Variants in GOSR1 observed in about 807,000 individuals in gnomAD.
The protein encoded by GOSR1 is 28 kDa Golgi SNARE protein.
A neutral mutation model predicts 35.5 loss-of-function variants in GOSR1; 21 were observed. That is an observed-to-expected ratio of 0.59 (90% CI 0.42 to 0.85). The LOEUF (loss-of-function observed/expected upper bound fraction) is 0.85. Ranked by LOEUF, GOSR1 falls within the 40% of genes least tolerant of loss-of-function variation. The probability of loss-of-function intolerance (pLI) is 0.00; values close to 1 mark genes in which losing one functional copy is unlikely to be tolerated. For missense variants in GOSR1, 285 were observed against 309.6 expected, an observed-to-expected ratio of 0.92 and a Z score of 0.60; for synonymous variants, 94 against 106.6, an observed-to-expected ratio of 0.88 and a Z score of 0.73.
intron 4 of GOSR1, among the ~76,000 whole-genome samples, chr17:30,488,164 CTTTTTTT>C (rs1165032726): frequency 1.5e-4 from 18 of 116,924 alleles, no homozygotes; most frequent in Non-Finnish European, 2.1e-4. Flanking sequence ...TTTAAATATA[CTTTTTTT>C]TTTTTTTTTT....
intron 7 of GOSR1, among the ~76,000 whole-genome samples, chr17:30,515,161 G>C (rs1399871624): frequency 6.6e-6 from 1 of 152,028 alleles, no homozygotes; most frequent in East Asian, 1.9e-4. Flanking sequence ...GTCACTCATT[G>C]CTGTTACCCA....
rs116501700 is a variant in GOSR1, at chr17:30,507,464, T to A, written c.510-3416T>A. Among the ~76,000 whole-genome samples, 75 of 152,288 alleles carry A rather than the reference T, an allele frequency of 4.9e-4. 1 individual carries two copies. The highest frequency in any genetic ancestry group is 1.6e-3 in the African/African-American group (67 of 41,558). ...GTGTGGTGGCTCATGCCTGTAATCCTGTAATCCCAGCGCTTTGGAAAGCCA... is the reference window on the plus strand; with the variant it reads ...GTGTGGTGGCTCATGCCTGTAATCCAGTAATCCCAGCGCTTTGGAAAGCCA... On this transcript the variant is annotated intron_variant, in intron 6 of 8. Coordinates refer to ENST00000451249, the MANE Select transcript of GOSR1 (RefSeq NM_001007025.2).
At chr17:30,501,162 G>A (rs1967190902) in intron 6 of GOSR1, among the ~76,000 whole-genome samples, 1 of 152,116 alleles carries the variant, frequency 6.6e-6, no homozygotes, top group South Asian at 2.1e-4. Flanking sequence ...TTACAGGCGT[G>A]AGCCACCGCG....
intron 7 of GOSR1, among the ~76,000 whole-genome samples, chr17:30,516,563 A>G (rs1352045922): frequency 6.6e-6 from 1 of 152,098 alleles, no homozygotes; most frequent in African/African-American, 2.4e-5. Flanking sequence ...ACAGTTGTGT[A>G]TCCTTCTGAT....
At chr17:30,477,517 T>C in intron 1 of GOSR1, 53 bp downstream of exon 1, 1 of 1,579,922 alleles carries the variant, frequency 6.3e-7, no homozygotes, top group South Asian at 1.1e-5. Context: ...AGGGGCTGAG[T>C]GAGGACAGAT....
chr17:30,510,208 G>A (rs1967564985), intron 6 of GOSR1, among the ~76,000 whole-genome samples: 1 of 151,892 alleles, frequency 6.6e-6, no homozygotes. Context: ...CGAGTAGCTG[G>A]GACTACAGGC....
At position 30,521,167 on chromosome 17, in the gene GOSR1, CTTTTTTTTTTT is replaced by C. The variant is rs71360748; in HGVS notation, c.623-1068_623-1058del. 2.8e-3 allele frequency among the ~76,000 whole-genome samples: 178 copies of C among 64,226 alleles called. 1 individual carries two copies. The highest frequency in any genetic ancestry group is 6.9e-3 in the African/African-American group (90 of 13,130). 42.1% of individuals were successfully genotyped at this position (64,226 alleles called of 152,430 possible). A position where few individuals can be genotyped will look rare whatever the true frequency, so the allele number is the denominator to read the frequency against. On this transcript the variant is annotated intron_variant, in intron 8 of 8. Coordinates refer to ENST00000451249, the MANE Select transcript of GOSR1 (RefSeq NM_001007025.2). ...CATCTCTCCCATAAGTTCTCTCTCTCTTTTTTTTTTTTTTTTTTTTTTTTTTTTTAAGACAG... is the reference window on the plus strand; with the variant it reads ...CATCTCTCCCATAAGTTCTCTCTCTCTTTTTTTTTTTTTTTTTTAAGACAG...
intron 4 of GOSR1, among the ~76,000 whole-genome samples, chr17:30,487,129 A>G (rs1462570136): frequency 1.3e-5 from 2 of 152,194 alleles, no homozygotes; most frequent in South Asian, 2.1e-4. Flanking sequence ...AATAAAAACA[A>G]TTAAACAGAG....
intron 5 of GOSR1, 39 bp downstream of exon 5, chr17:30,490,256 C>A: frequency 1.9e-6 from 2 of 1,038,300 alleles, no homozygotes; most frequent in South Asian, 2.6e-5. Context: ...AATATTTATT[C>A]AGATTTGGCT....
At chr17:30,486,514 T>A (rs1462423230) in intron 4 of GOSR1, among the ~76,000 whole-genome samples, 2 of 147,188 alleles carry the variant, frequency 1.4e-5, no homozygotes, top group Middle Eastern at 3.4e-3. Context: ...ACAGAGTGAC[T>A]GTTTCAAAAA....
At chr17:30,503,113 G>A (rs1967275446) in intron 6 of GOSR1, among the ~76,000 whole-genome samples, 1 of 152,030 alleles carries the variant, frequency 6.6e-6, no homozygotes, top group Non-Finnish European at 1.5e-5. Context: ...TTATTTATTT[G>A]CTTATTACTT....
chr17:30,488,714 T>TTTTAGTAGAGACGGGG (rs1914840376), intron 4 of GOSR1, among the ~76,000 whole-genome samples: 1 of 151,822 alleles, frequency 6.6e-6, no homozygotes, highest in Non-Finnish European at 1.5e-5. Flanking sequence ...AGTTTTGTGT[T>TTTTAGTAGAGACGGGG]TTTAGTAGAG....
chr17:30,489,346 A>G (rs1230563031), intron 4 of GOSR1, among the ~76,000 whole-genome samples: 1 of 152,190 alleles, frequency 6.6e-6, no homozygotes, highest in African/African-American at 2.4e-5. Flanking sequence ...TGGCACCACT[A>G]TACTCCAGCC....
In GOSR1 at chr17:30,510,887, C is replaced by A; in HGVS notation, c.517C>A (p.Arg173Ser). 1.3e-6 allele frequency: 2 copies of A among 1,534,760 alleles called. No homozygotes were observed. Among genetic ancestry groups the A allele is most frequent in the South Asian group, 1.1e-5 (1 of 87,430 alleles). The part of the protein sequence containing the change: ...KEHDHLRNSD[R>S]LIEETISIAM... Reference sequence around the variant, plus strand: ...TTTTCTTTTTATTTGCAGCTCAGATCGTCTGATAGAAGAGACAATAAGGTA... The same window carrying A: ...TTTTCTTTTTATTTGCAGCTCAGATAGTCTGATAGAAGAGACAATAAGGTA... The change falls in exon 7 of 9, where the codon CGT (arginine) becomes AGT (serine). Residue 173 changes from arginine to serine, a missense_variant. Arg to Ser is a moderately radical substitution (Grantham distance 110, BLOSUM62 -1). This residue lies in a region of GOSR1 where 168 missense variants were observed against 183.2 expected (regional missense o/e 0.92). Transcript: ENST00000451249.
At chr17:30,486,785 G>A (rs1197059596) in intron 4 of GOSR1, among the ~76,000 whole-genome samples, 2 of 152,186 alleles carry the variant, frequency 1.3e-5, no homozygotes, top group East Asian at 1.9e-4. Flanking sequence ...TAAGAAATGT[G>A]TAGGACTTGT....
At chr17:30,503,586 C>T (rs1967292523) in intron 6 of GOSR1, among the ~76,000 whole-genome samples, 2 of 152,240 alleles carry the variant, frequency 1.3e-5, no homozygotes, top group African/African-American at 2.4e-5. Flanking sequence ...CGTGTCCACA[C>T]GTCCAGGATA....
chr17:30,512,150 T>G (rs1597794150), intron 7 of GOSR1, among the ~76,000 whole-genome samples: 1 of 152,214 alleles, frequency 6.6e-6, no homozygotes, highest in African/African-American at 2.4e-5. Context: ...TTATTAGATC[T>G]TAGATTTCTG....
intron 7 of GOSR1, 139 bp from the exon 8 acceptor site, chr17:30,519,800 A>AT (rs1226229070): frequency 1.3e-5 from 8 of 612,722 alleles, no homozygotes; most frequent in Admixed American, 6.3e-5. Context: ...TTCGGAAGTG[A>AT]TTTTTTCCCC....
At chr17:30,519,162 T>C (rs568560925) in intron 7 of GOSR1, among the ~76,000 whole-genome samples, 41 of 152,102 alleles carry the variant, frequency 2.7e-4, no homozygotes, top group Admixed American at 1.5e-3. Flanking sequence ...CTGGGCTCAA[T>C]TGATCCTCTC....
Sources: allele counts gnomAD v4.1 joint callset (sites outside exome capture counted in the v4.1 genomes callset), GRCh38; gene constraint gnomAD v4.1.1; regional missense constraint gnomAD v4.1.1; transcripts MANE v1.5; gene names NCBI Gene and HGNC (gene_info 2026-07-23, HGNC 2026-07-21).